KRT23: variants seen among roughly 807,000 people sequenced by gnomAD.
KRT23 encodes the protein keratin 23.
KRT23 carries 38 observed loss-of-function variants against 47.6 expected under a neutral mutation model. That is an observed-to-expected ratio of 0.80 (90% CI 0.62 to 1.05). KRT23 has a LOEUF of 1.05. Ranked by LOEUF, KRT23 falls within the 50% of genes least tolerant of loss-of-function variation. KRT23 has a pLI of 0.00. For synonymous variants in KRT23, 191 were observed against 199.0 expected (o/e 0.96, Z 0.34); for missense variants, 503 against 529.5 (o/e 0.95, Z 0.49).
At chr17:40,923,724 C>A (rs111702942) in intron 8 of KRT23, among the ~76,000 whole-genome samples, 1 of 152,272 alleles carries the variant, frequency 6.6e-6, no homozygotes, top group East Asian at 1.9e-4. Context: ...AGACCCTTGT[C>A]TTATTTTGTA....
chr17:40,923,809 T>A (rs1057118243), intron 8 of KRT23, among the ~76,000 whole-genome samples: 2 of 152,214 alleles, frequency 1.3e-5, no homozygotes, highest in African/African-American at 4.8e-5. Flanking sequence ...TGCCTTAGAA[T>A]AGGTTTATCA....
At chr17:40,927,883 A>G (rs896967469) in intron 6 of KRT23, among the ~76,000 whole-genome samples, 4 of 152,062 alleles carry the variant, frequency 2.6e-5, no homozygotes, top group African/African-American at 9.7e-5. Context: ...CAAATAAATC[A>G]TATGGTTTCA....
intron 2 of KRT23, among the ~76,000 whole-genome samples, chr17:40,933,248 T>C (rs1909820312): frequency 6.6e-6 from 1 of 152,168 alleles, no homozygotes; most frequent in Non-Finnish European, 1.5e-5. Flanking sequence ...GCCTCATTCT[T>C]TTTCCTCTTG....
intron 4 of KRT23, among the ~76,000 whole-genome samples, chr17:40,929,209 C>T (rs1290325205): frequency 1.3e-5 from 2 of 151,592 alleles, no homozygotes; most frequent in Non-Finnish European, 2.9e-5. Context: ...CTGAACCTTA[C>T]AGGCTATAGG....
intron 2 of KRT23, among the ~76,000 whole-genome samples, chr17:40,933,228 G>A (rs1258391923): frequency 6.6e-6 from 1 of 152,166 alleles, no homozygotes; most frequent in Non-Finnish European, 1.5e-5. Flanking sequence ...TAGCCAGGCT[G>A]GCTGCTCCTG....
At chr17:40,930,368 T>G (rs746964640) in intron 3 of KRT23, among the ~76,000 whole-genome samples, 2 of 152,200 alleles carry the variant, frequency 1.3e-5, no homozygotes, top group Non-Finnish European at 2.9e-5. Flanking sequence ...TTTGCCATAT[T>G]TGCTTCATCT....
intron 6 of KRT23, among the ~76,000 whole-genome samples, chr17:40,926,606 G>T (rs1367922688): frequency 4.6e-5 from 7 of 152,160 alleles, no homozygotes; most frequent in Non-Finnish European, 8.8e-5. Context: ...AGTCATCTCG[G>T]CAGTTGCCCG....
rs267604860 is a variant in KRT23 at position 40,928,592 on chromosome 17, G to T, written c.652C>A (p.His218Asn). 8 of 1,612,584 alleles carry T rather than the reference G, an allele frequency of 5.0e-6. No individual in the cohort carries two copies. Among genetic ancestry groups the T allele is most frequent in the Non-Finnish European group, 6.8e-6 (8 of 1,179,706 alleles). ...KHHEQEMEKHHVPSDFNVNVK... is the reference protein window; with the variant it reads ...KHHEQEMEKHNVPSDFNVNVK... Reference sequence around the variant, plus strand: ...TTGACATTGAAGTCACTTGGCACATGATGCTTCTCCATTTCCTATTTAATA... The same window carrying T: ...TTGACATTGAAGTCACTTGGCACATTATGCTTCTCCATTTCCTATTTAATA... The change falls in exon 5 of 9, where the codon CAT becomes AAT. Residue 218 changes from histidine (H) to asparagine (N), a missense_variant. His to Asn is a moderately conservative substitution (Grantham distance 68). Coordinates refer to ENST00000209718, the MANE Select transcript of KRT23 (RefSeq NM_015515.5).
At chr17:40,927,176 AT>A (rs1909277575) in intron 6 of KRT23, among the ~76,000 whole-genome samples, 2 of 151,986 alleles carry the variant, frequency 1.3e-5, no homozygotes, top group Non-Finnish European at 2.9e-5. Context: ...CTCTGTAGCA[AT>A]TTTCTCCATC....
intron 2 of KRT23, among the ~76,000 whole-genome samples, chr17:40,932,363 G>T (rs529052553): frequency 6.6e-6 from 1 of 152,244 alleles, no homozygotes; most frequent in South Asian, 2.1e-4. Context: ...ACACTTGTAG[G>T]TATGTTATAG....
At chr17:40,930,976 A>T (rs1262876371) in intron 3 of KRT23, among the ~76,000 whole-genome samples, 1 of 149,862 alleles carries the variant, frequency 6.7e-6, no homozygotes, top group Non-Finnish European at 1.5e-5. Context: ...TTTCATTATA[A>T]GATTTTAGAT....
chr17:40,923,612 A>T (rs1909057327), intron 8 of KRT23, among the ~76,000 whole-genome samples: 1 of 152,262 alleles, frequency 6.6e-6, no homozygotes, highest in Non-Finnish European at 1.5e-5. Context: ...AATCATTAAT[A>T]AATTTACAAG....
At chr17:40,936,157 C>A (rs757876079) in intron 2 of KRT23, 51 bp downstream of exon 2, 1 of 1,604,160 alleles carries the variant, frequency 6.2e-7, no homozygotes, top group East Asian at 2.2e-5. Flanking sequence ...TCCCGAGGGT[C>A]CCCTGGCAAA....
Position 40,928,285 on chromosome 17 carries a change from G to A in KRT23, c.874C>T (p.Arg292Cys), listed in dbSNP as rs371648763. Residue 292 changes from arginine (R) to cysteine (C), a missense_variant, in exon 6 of 9, where the codon CGC (arginine) becomes TGC (cysteine). Coordinates refer to ENST00000209718, the MANE Select transcript of KRT23 (RefSeq NM_015515.5). ...TCAATCTCCAGGGCCTGGAATGTGCGCTTCAGTTCGTGGATGTCACCTTGT... is the reference window on the plus strand; with the variant it reads ...TCAATCTCCAGGGCCTGGAATGTGCACTTCAGTTCGTGGATGTCACCTTGT... ...SRQGDIHELK[R>C]TFQALEIDLQ... The A allele has an allele frequency of 2.4e-5, 39 of 1,614,056 alleles. No homozygotes were observed. The highest frequency in any genetic ancestry group is 1.6e-4 in the Middle Eastern group (1 of 6,084).
In KRT23 at chr17:40,929,782, G is replaced by T. The variant is rs79590083; in HGVS notation, c.636+158C>A. ...ATGTGACTAGCTAACCTTGAAATTA[G>T]AAACATTAGATATTTGTATGTTTTT... is the stretch of plus-strand genomic sequence containing the variant. On this transcript the variant is annotated intron_variant, in intron 4 of 8. Transcript: ENST00000209718. 1.8e-3 allele frequency: 991 copies of T among 560,252 alleles called. 3 individuals carry two copies. Among genetic ancestry groups the T allele is most frequent in the African/African-American group, 0.017 (922 of 53,248 alleles). 34.7% of individuals were successfully genotyped at this position (560,252 alleles called of 1,614,324 possible).
chr17:40,924,691 G>A (rs1245100875), intron 7 of KRT23, among the ~76,000 whole-genome samples, 188 bp from the exon 8 acceptor site: 2 of 152,112 alleles, frequency 1.3e-5, no homozygotes, highest in African/African-American at 4.8e-5. Context: ...AAGGCATTGG[G>A]TACCGCCTCC....
chr17:40,925,133 A>T, intron 7 of KRT23: 1 of 577,402 alleles, frequency 1.7e-6, no homozygotes, highest in Non-Finnish European at 3.1e-6. Flanking sequence ...AGAGACTTTA[A>T]CTCTTCTGAC....
chr17:40,922,952 A>G lies in KRT23; in HGVS notation c.*37T>C. On this transcript the variant is annotated 3_prime_UTR_variant, in exon 9 of 9. Coordinates refer to ENST00000209718, the MANE Select transcript of KRT23 (RefSeq NM_015515.5). ...CTGTGCAAGGACTTTCCTTGGGGGA[A>G]AATAGATTTTACAACAGGCGGAAAC... 6.7e-7 allele frequency: 1 copy of G among 1,484,506 alleles called. No homozygotes were observed. The highest frequency in any genetic ancestry group is 1.4e-5 in the African/African-American group (1 of 72,520). The allele number at this position is 1,484,506 out of a possible 1,614,324, so 92.0% of individuals were successfully genotyped here. A position where few individuals can be genotyped will look rare whatever the true frequency, so the allele number is the denominator to read the frequency against.
At chr17:40,927,975 G>C (rs975496522) in intron 6 of KRT23, among the ~76,000 whole-genome samples, 1 of 152,132 alleles carries the variant, frequency 6.6e-6, no homozygotes, top group Non-Finnish European at 1.5e-5. Context: ...CTAAAATGGG[G>C]ACACTAAGAC....
Sources: gnomAD v4.1 joint callset for allele counts (sites outside exome capture counted in the v4.1 genomes callset) on GRCh38, gnomAD v4.1.1 for gene constraint, MANE v1.5 for transcripts, NCBI Gene and HGNC (gene_info 2026-07-23, HGNC 2026-07-21) for gene names.